The following ADAD1 variants were observed in gnomAD, a reference collection of about 807,000 sequenced individuals.
ADAD1 encodes the protein adenosine deaminase domain-containing protein 1.
Under a neutral mutation model 66.8 loss-of-function variants are expected in ADAD1, and 46 were observed. That is an observed-to-expected ratio of 0.69 (90% CI 0.54 to 0.88). ADAD1 has a LOEUF of 0.88. ADAD1 is among the 40% of genes least tolerant of loss of function. The pLI is 0.00. For missense variants in ADAD1, 617 were observed against 681.8 expected, an observed-to-expected ratio of 0.91 and a Z score of 1.06; for synonymous variants, 248 against 229.4, an observed-to-expected ratio of 1.08 and a Z score of -0.73.
chr4:122,397,446 A>G (rs964414720), intron 7 of ADAD1, among the ~76,000 whole-genome samples: 12 of 152,298 alleles, frequency 7.9e-5, no homozygotes, highest in South Asian at 2.1e-4. Context: ...AACAGTGACA[A>G]CCCAACTTCA....
At chr4:122,402,230 G>T (rs767634525) in intron 7 of ADAD1, among the ~76,000 whole-genome samples, 4 of 151,990 alleles carry the variant, frequency 2.6e-5, no homozygotes, top group Non-Finnish European at 5.9e-5. Flanking sequence ...GTCTGAAAAA[G>T]ACTTTATCTT....
chr4:122,404,657 G>A (rs1280176341), intron 7 of ADAD1, among the ~76,000 whole-genome samples: 2 of 152,106 alleles, frequency 1.3e-5, no homozygotes, highest in Admixed American at 6.5e-5. Flanking sequence ...GTCTCCACAC[G>A]CTATTCTGTT....
At chr4:122,429,018 C>T (rs1418032880) in intron 12 of ADAD1, among the ~76,000 whole-genome samples, 1 of 151,968 alleles carries the variant, frequency 6.6e-6, no homozygotes, top group Non-Finnish European at 1.5e-5. Flanking sequence ...GTTTTATCTG[C>T]CACCATCGAG....
At chr4:122,403,654 A>G (rs1796075478) in intron 7 of ADAD1, among the ~76,000 whole-genome samples, 1 of 152,122 alleles carries the variant, frequency 6.6e-6, no homozygotes, top group Non-Finnish European at 1.5e-5. Context: ...AGAGGGCACC[A>G]TCTGTCGTAG....
intron 7 of ADAD1, among the ~76,000 whole-genome samples, chr4:122,404,725 A>T (rs1796130949): frequency 6.6e-6 from 1 of 152,042 alleles, no homozygotes; most frequent in Admixed American, 6.6e-5. Flanking sequence ...TCCCCCATCA[A>T]AAATCACCTT....
rs903063449 is a variant in ADAD1, at chr4:122,421,372, T to TA, written c.1600dup (p.Thr534AsnfsTer6). ...CTAAAAAAGAATTACTTGAAGCTGGTACATATCATGCAGCTAAGGTAAGTC... is the reference window on the plus strand; with the variant it reads ...CTAAAAAAGAATTACTTGAAGCTGGTAACATATCATGCAGCTAAGGTAAGTC... On this transcript the variant is annotated frameshift_variant, in exon 12 of 13. Coordinates refer to ENST00000296513, the MANE Select transcript of ADAD1 (RefSeq NM_139243.4). LOFTEE classifies it high-confidence loss of function. The TA allele has an allele frequency of 6.3e-7, 1 of 1,597,732 alleles. No individual in the cohort carries two copies. The highest frequency in any genetic ancestry group is 1.3e-5 in the African/African-American group (1 of 74,742).
At chr4:122,425,341 A>G (rs1293817551) in intron 12 of ADAD1, among the ~76,000 whole-genome samples, 1 of 152,094 alleles carries the variant, frequency 6.6e-6, no homozygotes. Flanking sequence ...AAGTTGTTCT[A>G]ACCACTGTGG....
intron 8 of ADAD1, among the ~76,000 whole-genome samples, chr4:122,409,597 G>T (rs1004415449): frequency 6.6e-5 from 10 of 152,024 alleles, no homozygotes; most frequent in Non-Finnish European, 1.3e-4. Flanking sequence ...TCATCCTGTT[G>T]TGCCATCAAA....
intron 9 of ADAD1, 50 bp from the exon 10 acceptor site, chr4:122,412,530 T>C: frequency 6.6e-7 from 1 of 1,506,762 alleles, no homozygotes; most frequent in South Asian, 1.2e-5. Context: ...GTAGATTTTG[T>C]TCTGTCACCT....
chr4:122,428,262 A>C (rs935147732), intron 12 of ADAD1, among the ~76,000 whole-genome samples: 6 of 152,194 alleles, frequency 3.9e-5, no homozygotes, highest in Non-Finnish European at 7.3e-5. Context: ...TGTGATACCA[A>C]AAGTATAACC....
chr4:122,407,756 T>C (rs950648924), intron 7 of ADAD1, 152 bp from the exon 8 acceptor site: 4 of 867,562 alleles, frequency 4.6e-6, no homozygotes, highest in Non-Finnish European at 6.5e-6. Context: ...CTTAGAAGAC[T>C]CTAAGACTCT....
intron 6 of ADAD1, among the ~76,000 whole-genome samples, chr4:122,395,249 C>T (rs1393210592): frequency 1.2e-4 from 18 of 151,816 alleles, no homozygotes. Flanking sequence ...CAGGGTTTCA[C>T]CATGTAGACC....
intron 7 of ADAD1, among the ~76,000 whole-genome samples, chr4:122,399,772 G>T (rs1300309438): frequency 2.0e-5 from 3 of 150,138 alleles, no homozygotes; most frequent in Non-Finnish European, 4.4e-5. Flanking sequence ...TGTTGTAAAG[G>T]GGGTTTAGTT....
At chr4:122,392,040 C>T (rs1795476194) in intron 5 of ADAD1, among the ~76,000 whole-genome samples, 1 of 152,154 alleles carries the variant, frequency 6.6e-6, no homozygotes. Context: ...TGCAAAACAT[C>T]TTGTACAGTC....
intron 5 of ADAD1, among the ~76,000 whole-genome samples, chr4:122,391,444 C>T (rs1795435868): frequency 6.6e-6 from 1 of 152,192 alleles, no homozygotes; most frequent in South Asian, 2.1e-4. Flanking sequence ...TGCCCAGATT[C>T]CTCAGAACTA....
rs1453569944 is a variant in ADAD1 at position 122,408,000 on chromosome 4, G to A, written c.817G>A (p.Ala273Thr). The change falls in exon 8 of 13, where the codon GCT becomes ACT. Residue 273 changes from alanine to threonine, a missense_variant. Physicochemically the swap from Ala to Thr is moderately conservative, Grantham distance 58. Coordinates refer to ENST00000296513, the MANE Select transcript of ADAD1 (RefSeq NM_139243.4). ...PDGRVLHDTH[A>T]VVTARRSLLR... The stretch of plus-strand genomic sequence containing the variant: ...TGGAAGAGTATTGCATGACACTCAT[G>A]CTGTTGTTACAGCAAGAAGGTCTCT... 1 of 1,613,336 alleles carries A rather than the reference G, an allele frequency of 6.2e-7. No individual in the cohort carries two copies. The highest frequency in any genetic ancestry group is 1.3e-5 in the African/African-American group (1 of 74,880).
intron 12 of ADAD1, among the ~76,000 whole-genome samples, chr4:122,425,589 G>A (rs1364608616): frequency 2.0e-5 from 3 of 150,242 alleles, no homozygotes; most frequent in Non-Finnish European, 4.4e-5. Context: ...AAATATTTGG[G>A]GGAAGAAAAG....
At chr4:122,395,293 CA>C (rs1398994635) in intron 6 of ADAD1, among the ~76,000 whole-genome samples, 2 of 152,050 alleles carry the variant, frequency 1.3e-5, no homozygotes, top group African/African-American at 4.8e-5. Context: ...TCAAGCGATC[CA>C]CCTCCCTCAG....
At chr4:122,386,900 C>T (rs986526538) in intron 5 of ADAD1, among the ~76,000 whole-genome samples, 8 of 151,954 alleles carry the variant, frequency 5.3e-5, no homozygotes, top group South Asian at 2.1e-4. Flanking sequence ...TCTACATGTC[C>T]GTTTTGGTGC....
Sources: gnomAD v4.1 joint callset for allele counts (sites outside exome capture counted in the v4.1 genomes callset) on GRCh38, gnomAD v4.1.1 for gene constraint, MANE v1.5 for transcripts, NCBI Gene and HGNC (gene_info 2026-07-23, HGNC 2026-07-21) for gene names.